Variants in CCDC149 observed in about 807,000 individuals in gnomAD.
CCDC149 encodes the protein coiled-coil domain-containing protein 149.
CCDC149 carries 45 observed loss-of-function variants against 59.9 expected under a neutral mutation model. The observed-to-expected ratio is 0.75, with a 90% CI of 0.59 to 0.96. The LOEUF is 0.96. CCDC149 is among the 40% of genes least tolerant of loss of function. The pLI, the probability that CCDC149 is intolerant of heterozygous loss-of-function variation, is 0.00. For synonymous variants in CCDC149, 245 were observed against 260.6 expected, an observed-to-expected ratio of 0.94 and a Z score of 0.58; for missense variants, 584 against 664.7, an observed-to-expected ratio of 0.88 and a Z score of 1.33.
intron 1 of CCDC149, among the ~76,000 whole-genome samples, chr4:24,910,287 T>A (rs1000419844): frequency 1.3e-5 from 2 of 152,150 alleles, no homozygotes; most frequent in Non-Finnish European, 2.9e-5. Context: ...CTCTGTCCTT[T>A]CTCTTCTAAG....
intron 1 of CCDC149, among the ~76,000 whole-genome samples, chr4:24,934,303 AG>A (rs985632866): frequency 6.6e-6 from 1 of 152,146 alleles, no homozygotes; most frequent in African/African-American, 2.4e-5. Context: ...AGTTTTATAA[AG>A]GGTTTCCCCT....
chr4:24,980,138 C>T (rs531523066), exon 1 of CCDC149: 25 of 152,302 alleles, frequency 1.6e-4, no homozygotes, highest in African/African-American at 4.3e-4. Flanking sequence ...AAAATTTAAG[C>T]GTAGCATTTT....
chr4:24,909,728 C>T (rs1163254705), intron 1 of CCDC149, among the ~76,000 whole-genome samples: 10 of 152,148 alleles, frequency 6.6e-5, no homozygotes, highest in African/African-American at 1.4e-4. Flanking sequence ...ATAAGTCTCA[C>T]GAGATCTGAT....
At chr4:24,969,060 G>A (rs567743294) in intron 1 of CCDC149, among the ~76,000 whole-genome samples, 7 of 152,332 alleles carry the variant, frequency 4.6e-5, no homozygotes, top group East Asian at 3.9e-4. Flanking sequence ...TGGGACATGC[G>A]AGGGGTAAAC....
At chr4:24,851,450 C>G (rs993364308) in intron 4 of CCDC149, among the ~76,000 whole-genome samples, 7 of 152,108 alleles carry the variant, frequency 4.6e-5, no homozygotes, top group Admixed American at 4.6e-4. Context: ...TTTCCATGAA[C>G]TGTCAGTTGC....
intron 1 of CCDC149, among the ~76,000 whole-genome samples, chr4:24,967,905 A>G (rs1301596107): frequency 6.6e-6 from 1 of 152,098 alleles, no homozygotes; most frequent in Admixed American, 6.5e-5. Context: ...GCTATCATTG[A>G]TAAGATTCAG....
chr4:24,944,259 T>G (rs181105772), intron 1 of CCDC149, among the ~76,000 whole-genome samples: 1 of 152,260 alleles, frequency 6.6e-6, no homozygotes, highest in African/African-American at 2.4e-5. Flanking sequence ...GGGACATGGA[T>G]GAAGCTGGAA....
intron 3 of CCDC149, among the ~76,000 whole-genome samples, chr4:24,857,790 A>G (rs887777451): frequency 2.0e-5 from 3 of 152,186 alleles, no homozygotes; most frequent in African/African-American, 7.2e-5. Flanking sequence ...TTCACTGTAA[A>G]TCTACCCCAG....
chr4:24,876,334 CACACACAG>C lies in CCDC149; in HGVS notation c.225+194_225+201del, dbSNP rs1385737382. Among the ~76,000 whole-genome samples the C allele has an allele frequency of 7.7e-3, 947 of 122,234 alleles. 11 individuals are homozygous for C. Among genetic ancestry groups the C allele is most frequent in the African/African-American group, 0.035 (877 of 25,388 alleles). 80.2% of individuals were successfully genotyped at this position (122,234 alleles called of 152,430 possible). On this transcript the variant is annotated intron_variant, in intron 2 of 12. Coordinates refer to ENST00000635206, the MANE Select transcript of CCDC149 (RefSeq NM_001330643.2). ...ACACACACACACACACACACACACA[CACACACAG>C]AGAGAGAGAGAGAGATTAACTTGTG...
In CCDC149 at chr4:24,835,050, G is replaced by A; in HGVS notation, c.736-18C>T. 1 of 1,595,784 alleles carries A rather than the reference G, an allele frequency of 6.3e-7. No individual in the cohort carries two copies. The highest frequency in any genetic ancestry group is 8.6e-7 in the Non-Finnish European group (1 of 1,164,182). The stretch of plus-strand genomic sequence containing the variant: ...AGAGCATTCTAAAACAGGATTGGGA[G>A]AGAATAAAAACCCGTCAGAAAAGCC... On this transcript the variant is annotated intron_variant, in intron 7 of 12. Coordinates refer to ENST00000635206, the MANE Select transcript of CCDC149 (RefSeq NM_001330643.2).
chr4:24,917,256 A>T (rs1400710705), upstream of CCDC149, among the ~76,000 whole-genome samples: 1 of 152,144 alleles, frequency 6.6e-6, no homozygotes, highest in Non-Finnish European at 1.5e-5. Flanking sequence ...AGCGGCAAAC[A>T]GTCAGCACGA....
chr4:24,927,417 A>T (rs537473999), intron 1 of CCDC149, among the ~76,000 whole-genome samples: 1 of 152,374 alleles, frequency 6.6e-6, no homozygotes, highest in South Asian at 2.1e-4. Context: ...GCATAAATAT[A>T]TGTTTTCCAT....
intron 7 of CCDC149, among the ~76,000 whole-genome samples, 155 bp downstream of exon 7, chr4:24,836,281 T>G (rs1423962862): frequency 6.6e-6 from 1 of 152,238 alleles, no homozygotes; most frequent in Non-Finnish European, 1.5e-5. Context: ...GGATTTTAAT[T>G]TGTACTGGTT....
chr4:24,834,831 G>T, intron 8 of CCDC149, 117 bp downstream of exon 8: 2 of 657,056 alleles, frequency 3.0e-6, no homozygotes, highest in African/African-American at 1.8e-5. Flanking sequence ...GGGAGCCACT[G>T]TTCTATGGAT....
intron 1 of CCDC149, among the ~76,000 whole-genome samples, chr4:24,967,335 G>T (rs1723831153): frequency 6.6e-6 from 1 of 152,144 alleles, no homozygotes; most frequent in Non-Finnish European, 1.5e-5. Context: ...AAAATGTGTG[G>T]CACCCACAGC....
At chr4:24,808,944 G>C (rs1714410388) in intron 12 of CCDC149, 125 bp from the exon 13 acceptor site, 1 of 909,090 alleles carries the variant, frequency 1.1e-6, no homozygotes, top group Non-Finnish European at 1.6e-6. Context: ...AGACTTTTTT[G>C]GCTCCCTGTG....
intron 1 of CCDC149, among the ~76,000 whole-genome samples, chr4:24,972,615 T>C (rs971485617): frequency 6.6e-6 from 1 of 152,050 alleles, no homozygotes; most frequent in East Asian, 1.9e-4. Context: ...CCTTTTTTCC[T>C]CTCTTGCCCA....
At chr4:24,970,349 T>C (rs2080263916) in intron 1 of CCDC149, among the ~76,000 whole-genome samples, 1 of 152,202 alleles carries the variant, frequency 6.6e-6, no homozygotes, top group African/African-American at 2.4e-5. Flanking sequence ...GGCTGGAGAC[T>C]TGGACACCTG....
At chr4:24,826,373 G>T (rs1715739361) in intron 9 of CCDC149, among the ~76,000 whole-genome samples, 1 of 152,198 alleles carries the variant, frequency 6.6e-6, no homozygotes, top group Non-Finnish European at 1.5e-5. Flanking sequence ...AGATCAGTTA[G>T]AAGGGCATCG....
Sources: gnomAD v4.1 joint callset for allele counts (sites outside exome capture counted in the v4.1 genomes callset) on GRCh38, gnomAD v4.1.1 for gene constraint, MANE v1.5 for transcripts, NCBI Gene and HGNC (gene_info 2026-07-23, HGNC 2026-07-21) for gene names.